The following FNTB variants were observed in gnomAD, a reference collection of about 807,000 sequenced individuals.
FNTB encodes protein farnesyltransferase subunit beta.
A neutral mutation model predicts 59.4 loss-of-function variants in FNTB; 27 were observed. The observed-to-expected ratio is 0.45, with a 90% CI of 0.34 to 0.63. FNTB has a LOEUF of 0.63. Among genes scored for constraint, FNTB ranks in the 20% least tolerant of loss-of-function variants. The pLI is 0.02. For synonymous variants in FNTB, 230 were observed against 220.7 expected (o/e 1.04, Z -0.37); for missense variants, 449 against 559.6 (o/e 0.80, Z 1.99).
At chr14:65,006,539 C>T (rs567673629) in intron 2 of FNTB, among the ~76,000 whole-genome samples, 1 of 152,308 alleles carries the variant, frequency 6.6e-6, no homozygotes, top group South Asian at 2.1e-4. Context: ...TTAGCCTCCC[C>T]AGAGGGGACA....
At chr14:65,050,110 G>A (rs1482071103) in intron 9 of FNTB, among the ~76,000 whole-genome samples, 2 of 152,142 alleles carry the variant, frequency 1.3e-5, no homozygotes. Flanking sequence ...ATAAGAAAAA[G>A]CTAGATTAAT....
At chr14:64,987,191 G>A (rs1032594439) in intron 1 of FNTB, 94 bp downstream of exon 1, 4 of 1,425,228 alleles carry the variant, frequency 2.8e-6, no homozygotes, top group Admixed American at 1.9e-5. Flanking sequence ...ACTCACCGGG[G>A]AACTACGACT....
intron 4 of FNTB, among the ~76,000 whole-genome samples, chr14:65,017,552 G>A (rs953577970): frequency 6.6e-6 from 1 of 152,146 alleles, no homozygotes; most frequent in East Asian, 1.9e-4. Context: ...AAGTGTCAGC[G>A]CCGCTTCTGG....
At position 65,061,334 on chromosome 14, in the gene FNTB, C is replaced by G; in HGVS notation, c.*22C>G. 6.2e-7 allele frequency: 1 copy of G among 1,612,994 alleles called. No homozygotes were observed. Among genetic ancestry groups the G allele is most frequent in the African/African-American group, 1.3e-5 (1 of 75,024 alleles). ...CTAGAGGACCTGGGTCCCGGCAGCTCTTTGCTCACCCATCTCCCCAGTCAG... is the reference window on the plus strand; with the variant it reads ...CTAGAGGACCTGGGTCCCGGCAGCTGTTTGCTCACCCATCTCCCCAGTCAG... On this transcript the variant is annotated 3_prime_UTR_variant, in exon 12 of 12. Transcript: ENST00000246166.
Position 65,053,393 on chromosome 14 carries a change from G to A in FNTB, c.1067+44G>A, listed in dbSNP as rs746510603. Reference sequence around the variant, plus strand: ...GGGAGGGAAGGGAGAGGGGAGGAGAGAGCAGAGGGGCGTGCACCTCAGGCC... The same window carrying A: ...GGGAGGGAAGGGAGAGGGGAGGAGAAAGCAGAGGGGCGTGCACCTCAGGCC... On this transcript the variant is annotated intron_variant, in intron 10 of 11. Transcript: ENST00000246166. 3.7e-6 allele frequency: 5 copies of A among 1,354,596 alleles called. No homozygotes were observed. In the African/African-American group the frequency reaches 4.5e-5, roughly 12 times the overall value. 83.9% of individuals were successfully genotyped at this position (1,354,596 alleles called of 1,614,324 possible).
At chr14:65,010,877 T>A (rs756270383) in intron 2 of FNTB, among the ~76,000 whole-genome samples, 49 of 152,214 alleles carry the variant, frequency 3.2e-4, no homozygotes, top group African/African-American at 1.2e-3. Flanking sequence ...TGCAGCATAG[T>A]AGAGTAGCCA....
intron 4 of FNTB, among the ~76,000 whole-genome samples, chr14:65,019,356 T>G (rs1215079505): frequency 6.6e-6 from 1 of 151,264 alleles, no homozygotes; most frequent in Admixed American, 6.6e-5. Context: ...ATGTGGTGGC[T>G]GGCACCTGTA....
chr14:65,040,743 C>T (rs1412895699), intron 7 of FNTB, 47 bp from the exon 8 acceptor site: 6 of 1,588,392 alleles, frequency 3.8e-6, no homozygotes, highest in Non-Finnish European at 3.4e-6. Context: ...GTCTTGTGTA[C>T]GTCCACTCAC....
At chr14:65,043,107 T>TC (rs772801797) in intron 8 of FNTB, among the ~76,000 whole-genome samples, 56 of 152,098 alleles carry the variant, frequency 3.7e-4, no homozygotes, top group Non-Finnish European at 6.3e-4. Context: ...GGAAGTACCC[T>TC]CCCCTGTACC....
At position 65,031,251 on chromosome 14, in the gene FNTB, C is replaced by T. The variant is rs1253035381; in HGVS notation, c.606-1359C>T. ...GGAGAAGCTGAAATAAAATGTGCCC[C>T]GAGAAGAATTAGGGCTGGGAGGATG... On this transcript the variant is annotated intron_variant, in intron 6 of 11. Coordinates refer to ENST00000246166, the MANE Select transcript of FNTB (RefSeq NM_002028.4). The surrounding 1 kb of genome is among the most constrained non-coding windows in gnomAD (Gnocchi z 4.6). Among the ~76,000 whole-genome samples the T allele has an allele frequency of 6.6e-6, 1 of 151,822 alleles. No homozygotes were observed. Among genetic ancestry groups the T allele is most frequent in the African/African-American group, 2.4e-5 (1 of 41,342 alleles).
chr14:65,023,705 T>A lies in FNTB; in HGVS notation c.375-3748T>A, dbSNP rs2061927893. 6.6e-6 allele frequency among the ~76,000 whole-genome samples: 1 copy of A among 152,234 alleles called. No homozygotes were observed. ...AATTGAGAATTTAAATTGCCTCATGTGGCTAGTGGCTGCCTATTGGACAGC... is the reference window on the plus strand; with the variant it reads ...AATTGAGAATTTAAATTGCCTCATGAGGCTAGTGGCTGCCTATTGGACAGC... On this transcript the variant is annotated intron_variant, in intron 4 of 11. Coordinates refer to ENST00000246166, the MANE Select transcript of FNTB (RefSeq NM_002028.4). The surrounding 1 kb of genome is among the most constrained non-coding windows in gnomAD (Gnocchi z 4.1).
intron 2 of FNTB, among the ~76,000 whole-genome samples, chr14:65,008,838 C>A (rs2061638330): frequency 6.6e-6 from 1 of 152,156 alleles, no homozygotes; most frequent in Non-Finnish European, 1.5e-5. Context: ...AAATCATTAC[C>A]CAGTACACAT....
At chr14:65,060,329 C>T (rs1054677698) in intron 11 of FNTB, among the ~76,000 whole-genome samples, 1 of 151,712 alleles carries the variant, frequency 6.6e-6, no homozygotes, top group Non-Finnish European at 1.5e-5. Flanking sequence ...TGGCTCACAC[C>T]TGTAACCCCA....
In FNTB at chr14:65,045,623, A is replaced by C. The variant is rs570937335; in HGVS notation, c.955+1180A>C. ...TAGAGACAGGGTTTCACCATGTTGGACAGGCTGTTCTTGAACTCCTTACCT... is the reference window on the plus strand; with the variant it reads ...TAGAGACAGGGTTTCACCATGTTGGCCAGGCTGTTCTTGAACTCCTTACCT... On this transcript the variant is annotated intron_variant, in intron 9 of 11. Coordinates refer to ENST00000246166, the MANE Select transcript of FNTB (RefSeq NM_002028.4). 2.8e-3 allele frequency among the ~76,000 whole-genome samples: 425 copies of C among 152,160 alleles called. 1 individual carries two copies. The highest frequency in any genetic ancestry group is 4.7e-3 in the Non-Finnish European group (317 of 67,976).
chr14:65,039,092 G>A (rs994445395), intron 7 of FNTB, among the ~76,000 whole-genome samples: 3 of 152,200 alleles, frequency 2.0e-5, no homozygotes, highest in Admixed American at 1.3e-4. Context: ...CTCTACAGCT[G>A]TCTGTTCATA....
In FNTB at chr14:65,044,926, A is replaced by G. The variant is rs909031950; in HGVS notation, c.955+483A>G. On this transcript the variant is annotated intron_variant, in intron 9 of 11. Coordinates refer to ENST00000246166, the MANE Select transcript of FNTB (RefSeq NM_002028.4). The surrounding 1 kb of genome is among the most constrained non-coding windows in gnomAD (Gnocchi z 5.5). ...TGTAGGGGTGGGTTGCCCCTACACCATGGAGAAGAGACTCGCCGTGTCTGA... is the reference window on the plus strand; with the variant it reads ...TGTAGGGGTGGGTTGCCCCTACACCGTGGAGAAGAGACTCGCCGTGTCTGA... Among the ~76,000 whole-genome samples the G allele has an allele frequency of 3.3e-5, 5 of 152,126 alleles. No individual in the cohort carries two copies. The highest frequency in any genetic ancestry group is 1.2e-4 in the African/African-American group (5 of 41,422).
chr14:65,040,826 A>C lies in FNTB; in HGVS notation c.729A>C (p.Pro243=). The part of the protein sequence containing the change: ...QNWEGGIGGV[P]GMEAHGGYTF... The stretch of plus-strand genomic sequence containing the variant: ...GGGAAGGTGGCATTGGCGGGGTACC[A>C]GGGATGGAAGCCCATGGTGGCTATA... Residue 243 remains proline (P), a synonymous_variant, in exon 8 of 12, where the codon CCA becomes CCC. Coordinates refer to ENST00000246166, the MANE Select transcript of FNTB (RefSeq NM_002028.4). The C allele has an allele frequency of 6.2e-7, 1 of 1,613,692 alleles. No individual in the cohort carries two copies. Among genetic ancestry groups the C allele is most frequent in the Non-Finnish European group, 8.5e-7 (1 of 1,179,952 alleles).
At chr14:65,041,636 A>T (rs2062356135) in intron 8 of FNTB, among the ~76,000 whole-genome samples, 1 of 152,164 alleles carries the variant, frequency 6.6e-6, no homozygotes, top group African/African-American at 2.4e-5. Flanking sequence ...GCCTCCCGTT[A>T]TGCGGCCCAT....
At chr14:65,048,676 G>A (rs2062540937) in intron 9 of FNTB, among the ~76,000 whole-genome samples, 1 of 151,628 alleles carries the variant, frequency 6.6e-6, no homozygotes, top group Non-Finnish European at 1.5e-5. Context: ...AATATAGTGA[G>A]AGCTTGTCTC....
Sources: gnomAD v4.1 joint callset for allele counts (sites outside exome capture counted in the v4.1 genomes callset) on GRCh38, gnomAD v4.1.1 for gene constraint, Gnocchi (gnomAD v3.1) non-coding constraint, MANE v1.5 for transcripts, NCBI Gene and HGNC (gene_info 2026-07-23, HGNC 2026-07-21) for gene names.